PPP1R12B: variants seen among roughly 807,000 people sequenced by gnomAD.
PPP1R12B encodes myosin phosphatase target subunit 2.
A neutral mutation model predicts 126.1 loss-of-function variants in PPP1R12B; 76 were observed. The observed-to-expected ratio is 0.60, with a 90% CI of 0.50 to 0.73. The LOEUF (loss-of-function observed/expected upper bound fraction) is 0.73. Among genes scored for constraint, PPP1R12B ranks in the 30% least tolerant of loss-of-function variants. The pLI is 0.00. For synonymous variants in PPP1R12B, 356 were observed against 434.7 expected (o/e 0.82, Z 2.25); for missense variants, 1,052 against 1,205.1 (o/e 0.87, Z 1.88).
At chr1:202,392,104 G>A (rs1172952232) in intron 1 of PPP1R12B, among the ~76,000 whole-genome samples, 1 of 144,904 alleles carries the variant, frequency 6.9e-6, no homozygotes, top group South Asian at 2.3e-4. Flanking sequence ...ATTATCTTCA[G>A]GTGTACTGAA....
intron 13 of PPP1R12B, among the ~76,000 whole-genome samples, chr1:202,464,522 T>G (rs567948697): frequency 6.6e-6 from 1 of 152,254 alleles, no homozygotes; most frequent in East Asian, 1.9e-4. Flanking sequence ...ATGAAGGCCC[T>G]TTGTGCACTT....
At chr1:202,454,620 C>T (rs1389192649) in intron 13 of PPP1R12B, among the ~76,000 whole-genome samples, 3 of 151,942 alleles carry the variant, frequency 2.0e-5, no homozygotes, top group South Asian at 2.1e-4. Context: ...AGTGTCATAC[C>T]GAAAATCTGC....
chr1:202,527,889 A>G (rs1285190962), intron 18 of PPP1R12B, among the ~76,000 whole-genome samples: 1 of 152,236 alleles, frequency 6.6e-6, no homozygotes, highest in Non-Finnish European at 1.5e-5. Flanking sequence ...AATTGAGGCA[A>G]AGAAAAACCA....
chr1:202,472,140 A>G, intron 13 of PPP1R12B: 2 of 1,312,654 alleles, frequency 1.5e-6, no homozygotes, highest in Non-Finnish European at 2.1e-6. Context: ...GTAGGTCATC[A>G]CCGCCGGAAA....
intron 18 of PPP1R12B, among the ~76,000 whole-genome samples, chr1:202,534,640 C>T (rs1218146750): frequency 1.1e-4 from 16 of 141,616 alleles, no homozygotes; most frequent in African/African-American, 4.2e-4. Context: ...AATATGTTTA[C>T]TTATTTGCTC....
intron 23 of PPP1R12B, chr1:202,574,992 A>G (rs767307997): frequency 1.9e-6 from 3 of 1,598,886 alleles, no homozygotes; most frequent in Non-Finnish European, 2.6e-6. Context: ...TCATGTCTCA[A>G]TCTCTACAGA....
chr1:202,425,159 C>T (rs10159280), intron 3 of PPP1R12B, among the ~76,000 whole-genome samples: 62,506 of 152,010 alleles, frequency 0.41, 14,803 homozygotes, highest in East Asian at 0.7. Flanking sequence ...TTTATTTCCT[C>T]ATCTGTTAAA....
chr1:202,466,940 C>T (rs1256022591), intron 13 of PPP1R12B, among the ~76,000 whole-genome samples: 1 of 152,012 alleles, frequency 6.6e-6, no homozygotes, highest in Non-Finnish European at 1.5e-5. Flanking sequence ...AACTAGAAGG[C>T]TTTTCATTCT....
intron 18 of PPP1R12B, among the ~76,000 whole-genome samples, chr1:202,511,058 A>C (rs1353089521): frequency 6.8e-6 from 1 of 147,062 alleles, no homozygotes; most frequent in Non-Finnish European, 1.5e-5. Context: ...ATATAATAAT[A>C]TATAATATAT....
chr1:202,521,634 G>A (rs1338834074), intron 18 of PPP1R12B, among the ~76,000 whole-genome samples: 2 of 152,106 alleles, frequency 1.3e-5, no homozygotes, highest in African/African-American at 2.4e-5. Context: ...TACAGAATTA[G>A]GAAATAGAAC....
At chr1:202,538,642 G>C (rs111906278) in intron 18 of PPP1R12B, among the ~76,000 whole-genome samples, 2 of 152,180 alleles carry the variant, frequency 1.3e-5, no homozygotes, top group Non-Finnish European at 2.9e-5. Context: ...GAGAAAAGAG[G>C]GTTGTTACTT....
intron 1 of PPP1R12B, among the ~76,000 whole-genome samples, chr1:202,380,152 T>G (rs1662003471): frequency 6.6e-6 from 1 of 151,488 alleles, no homozygotes. Context: ...CCTGCTCCCC[T>G]TCTATGCCTC....
intron 18 of PPP1R12B, among the ~76,000 whole-genome samples, chr1:202,519,728 A>G (rs1682563975): frequency 6.6e-6 from 1 of 152,184 alleles, no homozygotes. Flanking sequence ...CATATCCTGT[A>G]ACTTTGCTGC....
chr1:202,508,596 A>T lies in PPP1R12B; in HGVS notation c.2490+11774A>T, dbSNP rs190911781. 5.9e-5 allele frequency among the ~76,000 whole-genome samples: 9 copies of T among 152,366 alleles called. No individual in the cohort carries two copies. In the East Asian group the frequency reaches 1.7e-3, roughly 29 times the overall value. Reference sequence around the variant, plus strand: ...TGAGTATTATGTCACCAAATAAAACATTGTATACTTTAAGATGGCATTTTA... The same window carrying T: ...TGAGTATTATGTCACCAAATAAAACTTTGTATACTTTAAGATGGCATTTTA... On this transcript the variant is annotated intron_variant, in intron 18 of 23. Coordinates refer to ENST00000608999, the MANE Select transcript of PPP1R12B (RefSeq NM_002481.4). This position sits in a 1 kb window ranked among gnomAD's most constrained non-coding sequence, Gnocchi z 4.5.
intron 9 of PPP1R12B, among the ~76,000 whole-genome samples, chr1:202,436,268 A>AAACAAC (rs374800665): frequency 4.0e-4 from 61 of 151,588 alleles, no homozygotes; most frequent in Non-Finnish European, 6.6e-4. Context: ...CGTGTCTCAA[A>AAACAAC]AACAACAACA....
At chr1:202,466,902 T>C (rs1675071444) in intron 13 of PPP1R12B, among the ~76,000 whole-genome samples, 1 of 152,194 alleles carries the variant, frequency 6.6e-6, no homozygotes, top group African/African-American at 2.4e-5. Flanking sequence ...TTGTCTTACA[T>C]GTCACCCAAC....
In PPP1R12B at chr1:202,447,231, C is replaced by A. The variant is rs192920624; in HGVS notation, c.1668-1758C>A. ...ATCATCTATTCTCTTATAATGAGCC[C>A]CCTATTATATGAAGTATTATTTTAT... On this transcript the variant is annotated intron_variant, in intron 12 of 23. Coordinates refer to ENST00000608999, the MANE Select transcript of PPP1R12B (RefSeq NM_002481.4). Among the ~76,000 whole-genome samples, 322 of 152,228 alleles carry A rather than the reference C, an allele frequency of 2.1e-3. 1 individual carries two copies. The highest frequency in any genetic ancestry group is 7.5e-3 in the African/African-American group (310 of 41,530).
At chr1:202,490,674 G>A (rs1678739446) in intron 14 of PPP1R12B, among the ~76,000 whole-genome samples, 2 of 152,080 alleles carry the variant, frequency 1.3e-5, no homozygotes, top group Non-Finnish European at 2.9e-5. Context: ...TCCACTTTCT[G>A]TCTATGAACT....
Position 202,585,759 on chromosome 1 carries a change from C to T in PPP1R12B, c.*5199C>T, listed in dbSNP as rs146391521. On this transcript the variant is annotated 3_prime_UTR_variant, in exon 24 of 24. Transcript: ENST00000608999. ...GAATGATGTTGCAATGGCTTTCCCT[C>T]CTGCTGGCTTGGTAAGAATATTAAA... The T allele has an allele frequency of 1.3e-5, 2 of 152,320 alleles. No homozygotes were observed. Among genetic ancestry groups the T allele is most frequent in the African/African-American group, 4.8e-5 (2 of 41,568 alleles). 9.4% of individuals were successfully genotyped at this position (152,320 alleles called of 1,614,324 possible). A position where few individuals can be genotyped will look rare whatever the true frequency, so the allele number is the denominator to read the frequency against.
Sources: allele counts gnomAD v4.1 joint callset (sites outside exome capture counted in the v4.1 genomes callset), GRCh38; gene constraint gnomAD v4.1.1; non-coding constraint Gnocchi (gnomAD v3.1); transcripts MANE v1.5; gene names NCBI Gene and HGNC (gene_info 2026-07-23, HGNC 2026-07-21).